AFG2A: variants seen among roughly 807,000 people sequenced by gnomAD.
AFG2A encodes the protein ATPase family gene 2 protein homolog A.
chr4:123,281,663 A>G, the AFG2A span, among the ~76,000 whole-genome samples: 1 of 152,210 alleles, frequency 6.6e-6, no homozygotes, highest in Non-Finnish European at 1.5e-5. Flanking sequence ...AATGAATGAC[A>G]CTAAAAACAG....
the AFG2A span, among the ~76,000 whole-genome samples, chr4:123,184,534 T>TTTTTTTC: frequency 7.4e-5 from 8 of 108,502 alleles, no homozygotes; most frequent in African/African-American, 2.6e-4. Flanking sequence ...GATCATTTCT[T>TTTTTTTC]TTTTTTTTTT....
chr4:123,196,779 T>C, the AFG2A span, among the ~76,000 whole-genome samples: 2 of 152,154 alleles, frequency 1.3e-5, no homozygotes, highest in African/African-American at 4.8e-5. Flanking sequence ...TAATTTCCAT[T>C]TTCAGGCCTA....
the AFG2A span, among the ~76,000 whole-genome samples, chr4:123,149,121 C>G: frequency 4.6e-5 from 7 of 152,120 alleles, no homozygotes; most frequent in Non-Finnish European, 1.5e-5. Context: ...CAAGTTATGA[C>G]AGAGATGGCA....
the AFG2A span, among the ~76,000 whole-genome samples, chr4:122,985,372 A>T: frequency 6.6e-6 from 1 of 151,818 alleles, no homozygotes; most frequent in African/African-American, 2.4e-5. Flanking sequence ...CAAGTGATCC[A>T]CCGGCCTCGG....
At chr4:122,967,531 ACT>A in the AFG2A span, among the ~76,000 whole-genome samples, 1 of 151,804 alleles carries the variant, frequency 6.6e-6, no homozygotes, top group South Asian at 2.1e-4. Context: ...GCAAATCAAA[ACT>A]CTTTGTGAAT....
chr4:123,251,941 C>T, the AFG2A span, among the ~76,000 whole-genome samples: 1 of 152,072 alleles, frequency 6.6e-6, no homozygotes, highest in Non-Finnish European at 1.5e-5. Flanking sequence ...CAATCACCCT[C>T]TTCTAGGTAT....
At chr4:123,197,008 C>G in the AFG2A span, among the ~76,000 whole-genome samples, 1 of 152,172 alleles carries the variant, frequency 6.6e-6, no homozygotes, top group Admixed American at 6.5e-5. Flanking sequence ...AAATATCCTA[C>G]TCTTGTTTTT....
chr4:122,930,218 A>G, the AFG2A span, among the ~76,000 whole-genome samples: 1 of 152,226 alleles, frequency 6.6e-6, no homozygotes, highest in East Asian at 1.9e-4. Flanking sequence ...GAATCTACCT[A>G]TCAAGGTAGT....
the AFG2A span, chr4:123,256,920 A>G: frequency 4.8e-6 from 4 of 832,864 alleles, no homozygotes; most frequent in South Asian, 1.1e-4. Context: ...AGGACCAACT[A>G]TGTACCTCGA....
the AFG2A span, among the ~76,000 whole-genome samples, chr4:123,148,664 T>C: frequency 5.9e-5 from 9 of 152,078 alleles, no homozygotes; most frequent in Admixed American, 4.6e-4. Context: ...TAACGTGGGA[T>C]AGGAGGCCAA....
chr4:122,984,561 C>T, the AFG2A span, among the ~76,000 whole-genome samples: 2 of 152,136 alleles, frequency 1.3e-5, no homozygotes, highest in African/African-American at 4.8e-5. Flanking sequence ...ACTTTTCCCC[C>T]ATTCAGTATT....
the AFG2A span, among the ~76,000 whole-genome samples, chr4:123,263,904 C>G: frequency 6.6e-6 from 1 of 152,150 alleles, no homozygotes; most frequent in African/African-American, 2.4e-5. Flanking sequence ...AAGATACTTA[C>G]ACATGCATGT....
the AFG2A span, among the ~76,000 whole-genome samples, chr4:123,136,803 T>C: frequency 2.0e-5 from 3 of 149,474 alleles, no homozygotes; most frequent in Non-Finnish European, 4.4e-5. Flanking sequence ...GATCATGCCA[T>C]TACACTCCAG....
chr4:123,048,081 ATATT>A, the AFG2A span, among the ~76,000 whole-genome samples: 4 of 151,952 alleles, frequency 2.6e-5, no homozygotes, highest in African/African-American at 9.7e-5. Flanking sequence ...CTGCATATGG[ATATT>A]TACTTTTTCC....
chr4:123,221,210 C>T, the AFG2A span, among the ~76,000 whole-genome samples: 3 of 152,130 alleles, frequency 2.0e-5, no homozygotes, highest in African/African-American at 7.2e-5. Flanking sequence ...GGCTGGGGTG[C>T]GGTGGCACAA....
the AFG2A span, among the ~76,000 whole-genome samples, chr4:123,038,099 A>G: frequency 1.3e-5 from 2 of 152,060 alleles, no homozygotes; most frequent in Non-Finnish European, 2.9e-5. Flanking sequence ...TTTTGTGCCA[A>G]TGGTGGCCAA....
chr4:123,179,643 C>A, the AFG2A span, among the ~76,000 whole-genome samples: 1 of 152,286 alleles, frequency 6.6e-6, no homozygotes, highest in African/African-American at 2.4e-5. Flanking sequence ...GGATTACAGG[C>A]GTGAGCCACT....
chr4:123,283,221 G>A, the AFG2A span, among the ~76,000 whole-genome samples: 6 of 152,230 alleles, frequency 3.9e-5, no homozygotes, highest in Non-Finnish European at 7.4e-5. Flanking sequence ...TTCTGATAAA[G>A]GGAATAATAT....
the AFG2A span, among the ~76,000 whole-genome samples, chr4:123,295,466 C>G: frequency 2.6e-5 from 4 of 152,346 alleles, no homozygotes; most frequent in African/African-American, 7.2e-5. Context: ...ATATCTTTTA[C>G]TTGAAACTGG....
Sources: gnomAD v4.1 joint callset for allele counts (sites outside exome capture counted in the v4.1 genomes callset) on GRCh38, gnomAD v4.1.1 for gene constraint, MANE v1.5 for transcripts, NCBI Gene and HGNC (gene_info 2026-07-23, HGNC 2026-07-21) for gene names.